Variants in FRMD4B observed in about 807,000 individuals in gnomAD.
The protein encoded by FRMD4B is FERM domain-containing protein 4B.
Under a neutral mutation model 141.5 loss-of-function variants are expected in FRMD4B, and 74 were observed. The observed-to-expected ratio is 0.52, with a 90% confidence interval of 0.43 to 0.63. The LOEUF is 0.63. Ranked by LOEUF, FRMD4B falls within the 30% of genes least tolerant of loss-of-function variation. The pLI is 0.00. For synonymous variants in FRMD4B, 506 were observed against 467.9 expected (o/e 1.08, Z -1.05); for missense variants, 1,366 against 1,253.4 (o/e 1.09, Z -1.36).
chr3:69,370,092 T>C (rs1703782679), intron 1 of FRMD4B, among the ~76,000 whole-genome samples: 1 of 151,336 alleles, frequency 6.6e-6, no homozygotes, highest in Admixed American at 6.6e-5. Context: ...GAAATAAATT[T>C]TGCTTTTGCT....
chr3:69,192,886 T>C (rs1302834881), intron 17 of FRMD4B, among the ~76,000 whole-genome samples: 1 of 151,964 alleles, frequency 6.6e-6, no homozygotes, highest in Non-Finnish European at 1.5e-5. Context: ...GGTGCAATCA[T>C]AGTTCACTGC....
chr3:69,374,619 T>A (rs149638658), intron 1 of FRMD4B, among the ~76,000 whole-genome samples: 4 of 152,146 alleles, frequency 2.6e-5, no homozygotes, highest in Non-Finnish European at 4.4e-5. Context: ...GGAGTAAGGG[T>A]CAGAGTTAGG....
intron 1 of FRMD4B, among the ~76,000 whole-genome samples, chr3:69,376,160 T>C (rs1703966172): frequency 6.6e-6 from 1 of 152,108 alleles, no homozygotes; most frequent in Non-Finnish European, 1.5e-5. Context: ...TGCCTGGGAA[T>C]AAAAAACTTC....
intron 4 of FRMD4B, 146 bp from the exon 5 acceptor site, chr3:69,287,982 C>T (rs1700746372): frequency 1.5e-5 from 9 of 580,872 alleles, no homozygotes; most frequent in Non-Finnish European, 2.8e-5. Flanking sequence ...GAAATATGCA[C>T]CGCACGTATT....
chr3:69,206,877 TA>T (rs2093028864), intron 11 of FRMD4B, among the ~76,000 whole-genome samples: 1 of 151,730 alleles, frequency 6.6e-6, no homozygotes, highest in Non-Finnish European at 1.5e-5. Context: ...GAGGGGAGCA[TA>T]AAATCAGGTA....
chr3:69,181,514 C>G lies in FRMD4B; in HGVS notation c.2236G>C (p.Val746Leu). The part of the protein sequence containing the change: ...SSTEYYCVTP[V>L]TGPYYTTQTL... ...TGGGTGGTGTAATAGGGGCCGGTAA[C>G]TGGTGTCACACAGTAATACTCTGTG... The change falls in exon 21 of 23, where the codon GTT (valine) becomes CTT (leucine). Residue 746 changes from valine to leucine, a missense_variant. Transcript: ENST00000398540. 6.2e-7 allele frequency: 1 copy of G among 1,613,918 alleles called. No homozygotes were observed. Among genetic ancestry groups the G allele is most frequent in the Admixed American group, 1.7e-5 (1 of 60,030 alleles).
At chr3:69,317,309 G>C (rs1480134792) in intron 1 of FRMD4B, among the ~76,000 whole-genome samples, 1 of 152,152 alleles carries the variant, frequency 6.6e-6, no homozygotes, top group Non-Finnish European at 1.5e-5. Context: ...CTTGACTCAA[G>C]CTGGGCCAAT....
At chr3:69,227,529 G>C (rs1462469640) in intron 7 of FRMD4B, among the ~76,000 whole-genome samples, 1 of 151,988 alleles carries the variant, frequency 6.6e-6, no homozygotes, top group African/African-American at 2.4e-5. Flanking sequence ...TGCTGTGGTG[G>C]CAGACACCTG....
intron 1 of FRMD4B, among the ~76,000 whole-genome samples, chr3:69,372,463 G>A (rs908742530): frequency 2.6e-5 from 4 of 152,300 alleles, no homozygotes; most frequent in Middle Eastern, 3.4e-3. Context: ...TTAGGAGATC[G>A]AGACCAGCCT....
chr3:69,219,260 C>T (rs149818495), intron 9 of FRMD4B, among the ~76,000 whole-genome samples: 1 of 152,000 alleles, frequency 6.6e-6, no homozygotes, highest in East Asian at 1.9e-4. Flanking sequence ...ACCTTTAAGG[C>T]TTTGGGGTGG....
intron 19 of FRMD4B, 128 bp from the exon 20 acceptor site, chr3:69,182,845 A>G (rs2107600810): frequency 1.2e-6 from 1 of 856,414 alleles, no homozygotes; most frequent in Non-Finnish European, 1.8e-6. Flanking sequence ...AGATAGGAAG[A>G]GTGTCTTTGT....
At chr3:69,196,757 AAC>A in intron 13 of FRMD4B, 141 bp downstream of exon 13, 1 of 654,502 alleles carries the variant, frequency 1.5e-6, no homozygotes, top group Non-Finnish European at 2.6e-6. Flanking sequence ...ACATATAAAA[AAC>A]CTGAAATAGT....
intron 1 of FRMD4B, chr3:69,353,730 C>T: frequency 1.0e-6 from 1 of 983,210 alleles, no homozygotes; most frequent in Non-Finnish European, 1.2e-6. Flanking sequence ...CCGACGCCTT[C>T]CGCTGCCATA....
chr3:69,249,392 A>T, intron 6 of FRMD4B, 144 bp from the exon 7 acceptor site: 1 of 574,166 alleles, frequency 1.7e-6, no homozygotes, highest in Middle Eastern at 2.7e-4. Flanking sequence ...CTATAGGCAT[A>T]AGAAGAATTA....
chr3:69,255,007 T>C lies in FRMD4B; in HGVS notation c.502-4908A>G, dbSNP rs181578974. On this transcript the variant is annotated intron_variant, in intron 5 of 22. Coordinates refer to ENST00000398540, the MANE Select transcript of FRMD4B (RefSeq NM_015123.3). Reference sequence around the variant, plus strand: ...AAAGAGGTTCCAACGTACAGGAGACTGAAGAATCGTAACAACTAAGTGCAG... The same window carrying C: ...AAAGAGGTTCCAACGTACAGGAGACCGAAGAATCGTAACAACTAAGTGCAG... Among the ~76,000 whole-genome samples the C allele has an allele frequency of 4.8e-3, 730 of 152,254 alleles. 34 individuals are homozygous for C. The highest frequency in any genetic ancestry group is 1.3e-3 in the Non-Finnish European group (91 of 68,026).
At chr3:69,352,558 C>T (rs911206144) in intron 1 of FRMD4B, among the ~76,000 whole-genome samples, 1 of 152,072 alleles carries the variant, frequency 6.6e-6, no homozygotes, top group East Asian at 1.9e-4. Flanking sequence ...CCCAGATATT[C>T]CTCCCCTCCA....
At chr3:69,425,724 A>C (rs778863741) in intron 2 of FRMD4B, among the ~76,000 whole-genome samples, 1 of 152,190 alleles carries the variant, frequency 6.6e-6, no homozygotes, top group Non-Finnish European at 1.5e-5. Flanking sequence ...ATGCACAATA[A>C]TGTTTTATAA....
intron 19 of FRMD4B, among the ~76,000 whole-genome samples, chr3:69,183,255 A>G (rs1165960361): frequency 2.0e-5 from 3 of 152,176 alleles, no homozygotes; most frequent in Non-Finnish European, 4.4e-5. Flanking sequence ...GCTAAATTTC[A>G]TATCATTTTT....
intron 5 of FRMD4B, among the ~76,000 whole-genome samples, chr3:69,255,878 A>T (rs1181973500): frequency 3.3e-5 from 5 of 152,184 alleles, no homozygotes; most frequent in African/African-American, 1.2e-4. Flanking sequence ...TTGGTAGTCA[A>T]CTGTATCCAC....
Sources: allele counts gnomAD v4.1 joint callset (sites outside exome capture counted in the v4.1 genomes callset), GRCh38; gene constraint gnomAD v4.1.1; transcripts MANE v1.5; gene names NCBI Gene and HGNC (gene_info 2026-07-23, HGNC 2026-07-21).